RBFOX1: variants seen among roughly 807,000 people sequenced by gnomAD.
RBFOX1 encodes the protein RNA binding protein fox-1 homolog 1.
A neutral mutation model predicts 57.7 loss-of-function variants in RBFOX1; 8 were observed. The ratio of observed to expected loss-of-function variants is 0.14; its 90% CI spans 0.08 to 0.25. The LOEUF (loss-of-function observed/expected upper bound fraction) is 0.25. Ranked by LOEUF, RBFOX1 falls within the 10% of genes least tolerant of loss-of-function variation. RBFOX1 has a pLI of 1.00. For synonymous variants in RBFOX1, 326 were observed against 222.4 expected (o/e 1.47, Z -4.15); for missense variants, 611 against 548.5 (o/e 1.11, Z -1.14).
intron 2 of RBFOX1, among the ~76,000 whole-genome samples, chr16:6,533,051 G>T (rs1410301957): frequency 6.6e-6 from 1 of 152,160 alleles, no homozygotes. Flanking sequence ...TGCATCACAT[G>T]CTCTGTGTTG....
intron 4 of RBFOX1, among the ~76,000 whole-genome samples, chr16:7,203,681 G>C (rs2089244283): frequency 6.6e-6 from 1 of 152,158 alleles, no homozygotes. Flanking sequence ...GTGAGCCCTA[G>C]TCCACATTTT....
At chr16:6,804,935 C>G (rs776813298) in intron 3 of RBFOX1, among the ~76,000 whole-genome samples, 1 of 152,160 alleles carries the variant, frequency 6.6e-6, no homozygotes, top group East Asian at 1.9e-4. Context: ...TTCTCATATG[C>G]TGTTGGTCGG....
intron 2 of RBFOX1, among the ~76,000 whole-genome samples, chr16:6,471,415 G>A (rs2095171733): frequency 6.6e-6 from 1 of 152,044 alleles, no homozygotes; most frequent in African/African-American, 2.4e-5. Context: ...ATACTTGTTT[G>A]TTATTTTCCT....
intron 15 of RBFOX1, chr16:7,709,899 C>T (rs370162009): frequency 9.3e-7 from 1 of 1,069,646 alleles, no homozygotes; most frequent in Non-Finnish European, 1.1e-6. Context: ...CTTTGGCATG[C>T]AGTTTTCTGC....
chr16:5,298,124 G>C (rs2063713178), intron 1 of RBFOX1, among the ~76,000 whole-genome samples: 1 of 152,164 alleles, frequency 6.6e-6, no homozygotes, highest in African/African-American at 2.4e-5. Context: ...ACAAAAGGCA[G>C]CCACACCTAA....
chr16:7,210,413 G>A (rs1178446375), intron 4 of RBFOX1, among the ~76,000 whole-genome samples: 1 of 151,956 alleles, frequency 6.6e-6, no homozygotes, highest in Non-Finnish European at 1.5e-5. Context: ...TTGCTCTTAA[G>A]GCCTTTTTCC....
At position 5,946,537 on chromosome 16, in the gene RBFOX1, ATCTCAC is replaced by A. The variant is rs1222425959; in HGVS notation, c.351+79206_351+79211del. On this transcript the variant is annotated intron_variant, in intron 4 of 19. Coordinates refer to the RBFOX1 transcript ENST00000641259. The surrounding 1 kb of genome is among the most constrained non-coding windows in gnomAD (Gnocchi z 4.6). The stretch of plus-strand genomic sequence containing the variant: ...ATGGAAGTTCTACGCCCTTCCCCGT[ATCTCAC>A]TCTATGCATATTTTTTTCCAACTGG... Among the ~76,000 whole-genome samples, 1 of 146,460 alleles carries A rather than the reference ATCTCAC, an allele frequency of 6.8e-6. No individual in the cohort carries two copies. Among genetic ancestry groups the A allele is most frequent in the Admixed American group, 7.1e-5 (1 of 14,158 alleles).
intron 2 of RBFOX1, among the ~76,000 whole-genome samples, chr16:6,407,261 T>C (rs985270086): frequency 6.6e-6 from 1 of 152,200 alleles, no homozygotes; most frequent in Non-Finnish European, 1.5e-5. Context: ...ATATATGCTA[T>C]GGATTTGCCT....
At chr16:5,324,177 A>G (rs2064494540) in intron 1 of RBFOX1, among the ~76,000 whole-genome samples, 1 of 152,162 alleles carries the variant, frequency 6.6e-6, no homozygotes, top group Non-Finnish European at 1.5e-5. Context: ...GAAATAGAGA[A>G]TTCTGCTGGG....
At chr16:6,969,204 G>T (rs766893961) in intron 3 of RBFOX1, among the ~76,000 whole-genome samples, 20 of 152,062 alleles carry the variant, frequency 1.3e-4, no homozygotes, top group Non-Finnish European at 5.9e-5. Flanking sequence ...TACATTCCCA[G>T]TCCTTCACCT....
At chr16:7,545,060 G>A (rs537099154) in intron 5 of RBFOX1, among the ~76,000 whole-genome samples, 1 of 152,326 alleles carries the variant, frequency 6.6e-6, no homozygotes, top group Admixed American at 6.5e-5. Flanking sequence ...TCTACTAAGA[G>A]CAAGCATGCA....
At chr16:6,607,266 A>T (rs2097946902) in intron 2 of RBFOX1, among the ~76,000 whole-genome samples, 1 of 152,200 alleles carries the variant, frequency 6.6e-6, no homozygotes, top group Non-Finnish European at 1.5e-5. Context: ...CATTGTGGTT[A>T]TTAGGATTAA....
At chr16:6,747,583 A>C (rs574970953) in intron 3 of RBFOX1, among the ~76,000 whole-genome samples, 2 of 152,162 alleles carry the variant, frequency 1.3e-5, no homozygotes, top group Non-Finnish European at 2.9e-5. Flanking sequence ...TGATATTTTT[A>C]GTATCTTCTA....
chr16:5,745,071 C>G (rs1437654509), intron 3 of RBFOX1, among the ~76,000 whole-genome samples: 1 of 152,138 alleles, frequency 6.6e-6, no homozygotes, highest in Non-Finnish European at 1.5e-5. Context: ...TTAGGTATAT[C>G]TCCCAGTGCT....
chr16:5,632,956 T>TTTTTTTA (rs2048563852), intron 3 of RBFOX1, among the ~76,000 whole-genome samples: 1 of 150,502 alleles, frequency 6.6e-6, no homozygotes, highest in Non-Finnish European at 1.5e-5. Context: ...TTTTTTTTTT[T>TTTTTTTA]GAGGTGGAGT....
intron 4 of RBFOX1, among the ~76,000 whole-genome samples, chr16:7,501,503 C>T (rs2070851874): frequency 6.6e-6 from 1 of 152,230 alleles, no homozygotes; most frequent in African/African-American, 2.4e-5. Context: ...ACATAGGTCT[C>T]TGCTTTTGAG....
intron 1 of RBFOX1, among the ~76,000 whole-genome samples, chr16:6,028,509 T>TAAAAAAAAAAAAA (rs36218292): frequency 1.9e-5 from 2 of 104,518 alleles, no homozygotes; most frequent in African/African-American, 7.0e-5. Flanking sequence ...CTGTCTCTGT[T>TAAAAAAAAAAAAA]AAAAAAAAAA....
intron 11 of RBFOX1, 43 bp downstream of exon 11, chr16:7,630,726 C>T (rs371496606): frequency 2.1e-5 from 34 of 1,611,748 alleles, no homozygotes; most frequent in Non-Finnish European, 2.7e-5. Flanking sequence ...TGACATAAAT[C>T]TGAGTCCAAT....
chr16:5,859,479 A>G (rs1342607842), intron 3 of RBFOX1, among the ~76,000 whole-genome samples: 1 of 152,252 alleles, frequency 6.6e-6, no homozygotes, highest in East Asian at 1.9e-4. Flanking sequence ...TTCCCATGGT[A>G]GAGTAAGGAC....
Sources: gnomAD v4.1 joint callset for allele counts (sites outside exome capture counted in the v4.1 genomes callset) on GRCh38, gnomAD v4.1.1 for gene constraint, Gnocchi (gnomAD v3.1) non-coding constraint, MANE v1.5 for transcripts, NCBI Gene and HGNC (gene_info 2026-07-23, HGNC 2026-07-21) for gene names.